Variants in SLC4A4 observed in about 807,000 individuals in gnomAD.
The protein encoded by SLC4A4 is solute carrier family 4 member 4.
SLC4A4 carries 27 observed loss-of-function variants against 111.5 expected under a neutral mutation model. That is an observed-to-expected ratio of 0.24 (90% CI 0.18 to 0.33). SLC4A4 has a LOEUF of 0.33. SLC4A4 is among the 10% of genes least tolerant of loss of function. The probability of loss-of-function intolerance (pLI) is 1.00; values close to 1 mark genes in which losing one functional copy is unlikely to be tolerated. For missense variants in SLC4A4, 909 were observed against 1,315.5 expected, an observed-to-expected ratio of 0.69 and a Z score of 4.78; for synonymous variants, 443 against 463.4, an observed-to-expected ratio of 0.96 and a Z score of 0.57.
chr4:71,089,994 G>A (rs1453118993), intron 1 of SLC4A4, among the ~76,000 whole-genome samples: 1 of 149,708 alleles, frequency 6.7e-6, no homozygotes, highest in African/African-American at 2.4e-5. Flanking sequence ...GCCCCCAGAG[G>A]TGGAGTCTAC....
chr4:71,162,538 T>C (rs1744641061), intron 2 of SLC4A4, among the ~76,000 whole-genome samples: 1 of 152,144 alleles, frequency 6.6e-6, no homozygotes, highest in African/African-American at 2.4e-5. Context: ...CTTTAACTAA[T>C]CTCTTATTGC....
chr4:71,237,382 A>C (rs1719884863), intron 2 of SLC4A4, among the ~76,000 whole-genome samples: 1 of 152,220 alleles, frequency 6.6e-6, no homozygotes, highest in Non-Finnish European at 1.5e-5. Context: ...CATCACAGAT[A>C]TATGTTATTA....
At chr4:71,471,438 C>T (rs1727859323) in intron 13 of SLC4A4, among the ~76,000 whole-genome samples, 1 of 151,806 alleles carries the variant, frequency 6.6e-6, no homozygotes, top group Non-Finnish European at 1.5e-5. Context: ...CAGGCAAAAA[C>T]TTACCTGTGG....
At chr4:71,180,303 T>C (rs1745246792) in intron 2 of SLC4A4, among the ~76,000 whole-genome samples, 2 of 152,224 alleles carry the variant, frequency 1.3e-5, no homozygotes, top group South Asian at 2.1e-4. Flanking sequence ...AAGGACTTCA[T>C]GTCTAAAACA....
intron 2 of SLC4A4, among the ~76,000 whole-genome samples, chr4:71,248,133 AG>A (rs1052632212): frequency 6.6e-6 from 1 of 152,110 alleles, no homozygotes; most frequent in African/African-American, 2.4e-5. Flanking sequence ...AATAGGTCTG[AG>A]GTTGACTCTT....
chr4:71,147,037 G>T (rs1057204172), intron 2 of SLC4A4, among the ~76,000 whole-genome samples: 2 of 152,130 alleles, frequency 1.3e-5, no homozygotes, highest in Admixed American at 1.3e-4. Context: ...TAAAGGGATG[G>T]AGGAAGATCT....
intron 7 of SLC4A4, among the ~76,000 whole-genome samples, chr4:71,423,682 C>A (rs1192492438): frequency 2.0e-5 from 3 of 152,092 alleles, no homozygotes; most frequent in African/African-American, 7.2e-5. Flanking sequence ...TCAGAAATAA[C>A]GCCGCATATC....
chr4:71,532,278 T>C lies in SLC4A4; in HGVS notation c.2280+103T>C, dbSNP rs754290904. 1.7e-4 allele frequency: 133 copies of C among 788,484 alleles called. 1 individual carries two copies. Among genetic ancestry groups the C allele is most frequent in the Admixed American group, 5.4e-4 (28 of 51,428 alleles). 48.8% of individuals were successfully genotyped at this position (788,484 alleles called of 1,614,324 possible). A position where few individuals can be genotyped will look rare whatever the true frequency, so the allele number is the denominator to read the frequency against. ...TCTTTGAGTTAGTTTTGTACAATTA[T>C]CCATATTTTTTTTCCAAAATCAGTC... On this transcript the variant is annotated intron_variant, in intron 17 of 25. Coordinates refer to ENST00000264485, the MANE Select transcript of SLC4A4 (RefSeq NM_001098484.3).
chr4:71,509,983 T>C (rs533777105), intron 16 of SLC4A4, among the ~76,000 whole-genome samples: 1 of 152,290 alleles, frequency 6.6e-6, no homozygotes, highest in Non-Finnish European at 1.5e-5. Flanking sequence ...AGTTTAAAGA[T>C]GGTGCCATGC....
chr4:71,439,432 T>C, intron 7 of SLC4A4, among the ~76,000 whole-genome samples: 1 of 20,520 alleles, frequency 4.9e-5, no homozygotes, highest in African/African-American at 1.5e-4. Context: ...CAAGACTCTG[T>C]CTCAAAAAAA....
At chr4:71,281,324 T>C (rs1321236830) in intron 3 of SLC4A4, among the ~76,000 whole-genome samples, 1 of 152,198 alleles carries the variant, frequency 6.6e-6, no homozygotes, top group Admixed American at 6.5e-5. Context: ...TGAACAATGA[T>C]TAGGCAACAA....
At chr4:71,268,345 T>A (rs1722455449) in intron 3 of SLC4A4, among the ~76,000 whole-genome samples, 2 of 152,100 alleles carry the variant, frequency 1.3e-5, no homozygotes, top group African/African-American at 4.8e-5. Flanking sequence ...GTGACTCACG[T>A]GATGTAAGGA....
chr4:71,235,861 A>G (rs529635698), intron 1 of SLC4A4, among the ~76,000 whole-genome samples: 31 of 152,344 alleles, frequency 2.0e-4, no homozygotes, highest in Non-Finnish European at 3.4e-4. Flanking sequence ...GCAGATATAC[A>G]TAGAGAAAGA....
chr4:71,278,499 T>G (rs993210879), intron 3 of SLC4A4, among the ~76,000 whole-genome samples: 3 of 152,202 alleles, frequency 2.0e-5, no homozygotes, highest in African/African-American at 7.2e-5. Flanking sequence ...ACTTCTGTTT[T>G]AAATTCTTTG....
chr4:71,273,032 G>A (rs966442611), intron 3 of SLC4A4, among the ~76,000 whole-genome samples: 1 of 152,286 alleles, frequency 6.6e-6, no homozygotes. Context: ...TAACTGCCAC[G>A]TCTACCATCA....
chr4:71,552,782 T>G (rs1298826771), intron 20 of SLC4A4, among the ~76,000 whole-genome samples: 1 of 151,910 alleles, frequency 6.6e-6, no homozygotes, highest in Admixed American at 6.6e-5. Flanking sequence ...TATGCCTGTA[T>G]GGTATACTTT....
Position 71,411,456 on chromosome 4 carries a change from G to T in SLC4A4, c.807+13803G>T, listed in dbSNP as rs145483958. Among the ~76,000 whole-genome samples the T allele has an allele frequency of 1.1e-4, 17 of 151,816 alleles. No homozygotes were observed. The East Asian group carries it at 3.3e-3, about 29-fold the overall frequency. On this transcript the variant is annotated intron_variant, in intron 7 of 25. Transcript: ENST00000264485. ...TTCTACCATGACACCTACCACAACT[G>T]TCATCAAATAGTTGCCTATTTTAAT...
intron 3 of SLC4A4, among the ~76,000 whole-genome samples, chr4:71,295,233 A>G (rs557358022): frequency 7.9e-5 from 12 of 152,292 alleles, no homozygotes; most frequent in African/African-American, 2.9e-4. Context: ...GTCTTTTCCC[A>G]TGATACTCTA....
intron 11 of SLC4A4, among the ~76,000 whole-genome samples, chr4:71,451,920 T>C (rs4591568): frequency 0.16 from 24,202 of 152,238 alleles, 2,129 homozygotes; most frequent in South Asian, 0.29. Flanking sequence ...GAGTTCTCAC[T>C]GTTCTGCCTC....
Sources: allele counts gnomAD v4.1 joint callset (sites outside exome capture counted in the v4.1 genomes callset), GRCh38; gene constraint gnomAD v4.1.1; transcripts MANE v1.5; gene names NCBI Gene and HGNC (gene_info 2026-07-23, HGNC 2026-07-21).